The following RTL9 variants were observed in gnomAD, a reference collection of about 807,000 sequenced individuals.
The protein encoded by RTL9 is retrotransposon Gag like 9.
In RTL9, 19 loss-of-function variants were observed where a neutral mutation model predicts 44.7. That is an observed-to-expected ratio of 0.42 (90% CI 0.30 to 0.62). RTL9 has a LOEUF of 0.62. RTL9 is among the 20% of genes least tolerant of loss of function. The probability of loss-of-function intolerance (pLI) is 0.16; values close to 1 mark genes in which losing one functional copy is unlikely to be tolerated. For missense variants in RTL9, 1,105 were observed against 1,080.6 expected, an observed-to-expected ratio of 1.02 and a Z score of -0.32; for synonymous variants, 407 against 398.9, an observed-to-expected ratio of 1.02 and a Z score of -0.24.
intron 1 of RTL9, among the ~76,000 whole-genome samples, chrX:110,422,231 C>A (rs1163221507): frequency 2.7e-5 from 3 of 112,615 alleles, no homozygotes; most frequent in Non-Finnish European, 5.6e-5. Context: ...GAACCAGGAA[C>A]TGTTCCCTCC....
intron 1 of RTL9, among the ~76,000 whole-genome samples, chrX:110,406,291 G>C (rs1402769642): frequency 1.9e-5 from 2 of 105,907 alleles, no homozygotes; most frequent in Non-Finnish European, 3.9e-5. Context: ...GGTGTGTGAT[G>C]TTCCCCTCTC....
At chrX:110,410,732 G>A (rs751561265) in intron 1 of RTL9, among the ~76,000 whole-genome samples, 86 of 111,463 alleles carry the variant, frequency 7.7e-4, no homozygotes, top group African/African-American at 2.6e-3. Flanking sequence ...GTCAAGCTGC[G>A]TTGGTGGTGA....
At chrX:110,450,753 G>A in exon 1 of RTL9, 2 of 1,211,780 alleles carry the variant, frequency 1.7e-6, no homozygotes, top group Non-Finnish European at 2.2e-6. Context: ...GCATTCTCAT[G>A]TACAGTTGCC....
At chrX:110,382,337 C>A (rs1198308068) in intron 1 of RTL9, among the ~76,000 whole-genome samples, 3 of 108,846 alleles carry the variant, frequency 2.8e-5, no homozygotes, top group African/African-American at 6.7e-5. Flanking sequence ...AAAAAAAAAA[C>A]CCAGCAACCC....
At chrX:110,454,434 A>G in exon 1 of RTL9, 1 of 1,211,731 alleles carries the variant, frequency 8.3e-7, no homozygotes, top group Non-Finnish European at 1.1e-6. Flanking sequence ...TCTACGGACC[A>G]GGTTTCTGGA....
At chrX:110,378,348 C>T (rs2068393855) in intron 1 of RTL9, among the ~76,000 whole-genome samples, 1 of 111,424 alleles carries the variant, frequency 9.0e-6, no homozygotes, top group Non-Finnish European at 1.9e-5. Context: ...CTACTCTCTC[C>T]TTGACTGTTG....
At chrX:110,453,636 A>G in exon 1 of RTL9, 1 of 1,211,807 alleles carries the variant, frequency 8.3e-7, no homozygotes, top group South Asian at 1.8e-5. Flanking sequence ...GTCACAAACA[A>G]CATATACCGT....
chrX:110,396,534 C>G (rs998249020), intron 1 of RTL9, among the ~76,000 whole-genome samples: 15 of 112,296 alleles, frequency 1.3e-4, no homozygotes, highest in African/African-American at 4.9e-4. Flanking sequence ...CAGTCCCCAA[C>G]AGGAAGCATT....
intron 1 of RTL9, among the ~76,000 whole-genome samples, chrX:110,427,090 T>C (rs1371490042): frequency 8.9e-6 from 1 of 111,924 alleles, no homozygotes; most frequent in African/African-American, 3.3e-5. Flanking sequence ...TCCTTGCATG[T>C]CACCTCTTTT....
chrX:110,372,178 A>T (rs191513273), intron 1 of RTL9, among the ~76,000 whole-genome samples: 2 of 111,924 alleles, frequency 1.8e-5, no homozygotes, highest in African/African-American at 6.5e-5. Flanking sequence ...CCTATTCGTT[A>T]TTGTTTCCTG....
intron 1 of RTL9, among the ~76,000 whole-genome samples, chrX:110,405,153 A>AGG (rs1159220967): frequency 1.0e-5 from 1 of 97,890 alleles, no homozygotes; most frequent in African/African-American, 3.7e-5. Context: ...ATTTTCTAAG[A>AGG]GGTGCTGTTG....
intron 1 of RTL9, among the ~76,000 whole-genome samples, chrX:110,367,365 C>T (rs778764923): frequency 3.6e-5 from 4 of 112,075 alleles, no homozygotes; most frequent in Non-Finnish European, 7.5e-5. Context: ...CTTTTGCCAT[C>T]ATCACTCCAC....
At chrX:110,433,976 A>G (rs1281068618) in intron 1 of RTL9, among the ~76,000 whole-genome samples, 1 of 111,576 alleles carries the variant, frequency 9.0e-6, no homozygotes, top group African/African-American at 3.3e-5. Context: ...CGAGGCACAC[A>G]TAAGCCCTCA....
At chrX:110,359,886 T>C (rs745566569) in intron 1 of RTL9, among the ~76,000 whole-genome samples, 3 of 112,088 alleles carry the variant, frequency 2.7e-5, no homozygotes, top group Non-Finnish European at 1.9e-5. Context: ...AGACTTGAAC[T>C]TGGCATAGAA....
intron 1 of RTL9, 80 bp from the exon 2 acceptor site, chrX:110,445,073 A>G (rs994867392): frequency 8.9e-6 from 1 of 112,528 alleles, no homozygotes; most frequent in Non-Finnish European, 1.9e-5. Flanking sequence ...CATCCAATGA[A>G]AGCATAATTC....
At chrX:110,383,822 T>C (rs894105722) in intron 1 of RTL9, among the ~76,000 whole-genome samples, 1 of 111,786 alleles carries the variant, frequency 8.9e-6, no homozygotes, top group African/African-American at 3.3e-5. Context: ...ACCATCCTTA[T>C]CATGGCAAAA....
At chrX:110,411,216 G>T (rs983444170) in intron 1 of RTL9, among the ~76,000 whole-genome samples, 1 of 111,951 alleles carries the variant, frequency 8.9e-6, no homozygotes, top group African/African-American at 3.3e-5. Context: ...AGAGAATGGA[G>T]CTGTGATGAG....
At chrX:110,445,955 G>A (rs1252951580), upstream of RTL9, among the ~76,000 whole-genome samples, 1 of 111,850 alleles carries the variant, frequency 8.9e-6, no homozygotes, top group East Asian at 2.8e-4. Context: ...CATGGGCTGA[G>A]CATGCAAGAA....
At chrX:110,439,444 C>A (rs1180819236) in intron 1 of RTL9, among the ~76,000 whole-genome samples, 1 of 112,176 alleles carries the variant, frequency 8.9e-6, no homozygotes, top group Non-Finnish European at 1.9e-5. Flanking sequence ...TTTATTTATA[C>A]CCTACCGCTT....
Sources: gnomAD v4.1 joint callset for allele counts (sites outside exome capture counted in the v4.1 genomes callset) on GRCh38, gnomAD v4.1.1 for gene constraint, MANE v1.5 for transcripts, NCBI Gene and HGNC (gene_info 2026-07-23, HGNC 2026-07-21) for gene names.